The following MTBP variants were observed in gnomAD, a reference collection of about 807,000 sequenced individuals.
MTBP encodes the protein MDM2 binding protein.
MTBP carries 101 observed loss-of-function variants against 117.0 expected under a neutral mutation model. That is an observed-to-expected ratio of 0.86 (90% CI 0.73 to 1.02). MTBP has a LOEUF of 1.02. Ranked by LOEUF, MTBP falls within the 50% of genes least tolerant of loss-of-function variation. The pLI is 0.00. For synonymous variants in MTBP, 350 were observed against 351.5 expected (o/e 1.00, Z 0.05); for missense variants, 970 against 1,030.9 (o/e 0.94, Z 0.81).
At chr8:120,457,337 T>A (rs369585172) in intron 7 of MTBP, among the ~76,000 whole-genome samples, 1 of 152,226 alleles carries the variant, frequency 6.6e-6, no homozygotes, top group East Asian at 1.9e-4. Flanking sequence ...GTAATTTATG[T>A]ATTTTTGTAG....
intron 13 of MTBP, among the ~76,000 whole-genome samples, chr8:120,495,160 T>G (rs1281419470): frequency 6.6e-6 from 1 of 152,182 alleles, no homozygotes; most frequent in Non-Finnish European, 1.5e-5. Context: ...GGAGCATAAA[T>G]TTTTTGAGTT....
intron 17 of MTBP, among the ~76,000 whole-genome samples, chr8:120,515,397 T>A (rs1017980972): frequency 6.6e-6 from 1 of 152,044 alleles, no homozygotes; most frequent in Non-Finnish European, 1.5e-5. Flanking sequence ...ACAGCCGAAG[T>A]GTTTGAAGGA....
At chr8:120,447,846 A>G (rs1218175219) in intron 2 of MTBP, among the ~76,000 whole-genome samples, 3 of 131,678 alleles carry the variant, frequency 2.3e-5, no homozygotes, top group African/African-American at 8.5e-5. Flanking sequence ...TCATCACGTA[A>G]CTTATGATAC....
At chr8:120,491,037 CTAAG>C (rs1814334894) in intron 13 of MTBP, among the ~76,000 whole-genome samples, 1 of 152,044 alleles carries the variant, frequency 6.6e-6, no homozygotes, top group Non-Finnish European at 1.5e-5. Context: ...ATTTCATGTA[CTAAG>C]TGACATTGGC....
intron 21 of MTBP, 56 bp downstream of exon 21, chr8:120,522,775 G>T (rs1815027042): frequency 9.5e-6 from 13 of 1,371,486 alleles, no homozygotes; most frequent in Non-Finnish European, 1.2e-5. Flanking sequence ...TTTATTTCAG[G>T]GTTGCTCTGA....
chr8:120,496,601 G>A (rs1814462578), intron 13 of MTBP, among the ~76,000 whole-genome samples: 1 of 151,778 alleles, frequency 6.6e-6, no homozygotes, highest in Non-Finnish European at 1.5e-5. Flanking sequence ...TTCACTTTCT[G>A]GTATCAAAGC....
intron 8 of MTBP, among the ~76,000 whole-genome samples, chr8:120,460,681 T>C (rs1194487415): frequency 1.3e-5 from 2 of 152,158 alleles, no homozygotes; most frequent in Admixed American, 1.3e-4. Flanking sequence ...CTCTGTAATT[T>C]ATTTAGTCTT....
chr8:120,512,513 A>G (rs1390903294), intron 17 of MTBP, among the ~76,000 whole-genome samples: 1 of 151,834 alleles, frequency 6.6e-6, no homozygotes, highest in African/African-American at 2.4e-5. Flanking sequence ...TGTCAAGGAT[A>G]TGTTCTTCAT....
At chr8:120,488,978 C>T (rs969397858) in intron 12 of MTBP, among the ~76,000 whole-genome samples, 4 of 151,998 alleles carry the variant, frequency 2.6e-5, no homozygotes, top group Non-Finnish European at 5.9e-5. Context: ...TTTCTCTTCA[C>T]AGGCGCTTTC....
At chr8:120,453,492 C>CA (rs1390896024) in intron 4 of MTBP, among the ~76,000 whole-genome samples, 7 of 151,696 alleles carry the variant, frequency 4.6e-5, no homozygotes, top group Non-Finnish European at 1.0e-4. Context: ...TAAAAGGTTC[C>CA]AAAAAAAGTT....
At chr8:120,470,969 A>C in intron 11 of MTBP, 32 bp downstream of exon 11, 1 of 1,375,850 alleles carries the variant, frequency 7.3e-7, no homozygotes, top group Non-Finnish European at 1.0e-6. Flanking sequence ...TGTTTTAATG[A>C]TGCAGCATAG....
intron 6 of MTBP, among the ~76,000 whole-genome samples, chr8:120,456,026 T>C (rs1417816998): frequency 6.6e-6 from 1 of 152,192 alleles, no homozygotes; most frequent in Non-Finnish European, 1.5e-5. Context: ...ATGATTTGTT[T>C]TCATTCAACG....
At chr8:120,493,438 G>A (rs1329603365) in intron 13 of MTBP, among the ~76,000 whole-genome samples, 1 of 151,808 alleles carries the variant, frequency 6.6e-6, no homozygotes. Flanking sequence ...TATAGGTCAG[G>A]TTCAGGTTCA....
chr8:120,463,875 C>A, intron 10 of MTBP, 114 bp downstream of exon 10: 2 of 989,288 alleles, frequency 2.0e-6, no homozygotes, highest in Non-Finnish European at 3.0e-6. Flanking sequence ...GACTTGGTTT[C>A]TTTAATGTAA....
chr8:120,461,131 A>G, intron 8 of MTBP, 30 bp from the exon 9 acceptor site: 1 of 1,430,312 alleles, frequency 7.0e-7, no homozygotes, highest in Non-Finnish European at 9.8e-7. Flanking sequence ...ATGGTATTTA[A>G]ATATTACACA....
chr8:120,463,952 A>T, intron 10 of MTBP, among the ~76,000 whole-genome samples, 191 bp downstream of exon 10: 1 of 152,098 alleles, frequency 6.6e-6, no homozygotes, highest in East Asian at 1.9e-4. Context: ...CTGTAAAAGT[A>T]CTCTGCAAAC....
chr8:120,510,764 C>A (rs1814787464), intron 17 of MTBP, among the ~76,000 whole-genome samples: 2 of 151,708 alleles, frequency 1.3e-5, no homozygotes, highest in Admixed American at 1.3e-4. Context: ...ATTAGCTGGG[C>A]ATAGTGGTGT....
intron 11 of MTBP, chr8:120,472,131 A>G (rs1194389129): frequency 6.6e-6 from 1 of 152,192 alleles, no homozygotes; most frequent in Admixed American, 6.5e-5. Context: ...TATTATGAAG[A>G]AATCTGTAGA....
At chr8:120,471,067 C>A in intron 11 of MTBP, 130 bp downstream of exon 11, 1 of 620,032 alleles carries the variant, frequency 1.6e-6, no homozygotes, top group East Asian at 2.9e-5. Flanking sequence ...TACCAGGAGT[C>A]CACATCATTT....
Sources: gnomAD v4.1 joint callset for allele counts (sites outside exome capture counted in the v4.1 genomes callset) on GRCh38, gnomAD v4.1.1 for gene constraint, MANE v1.5 for transcripts, NCBI Gene and HGNC (gene_info 2026-07-23, HGNC 2026-07-21) for gene names.